Variants in ALMS1 observed in about 807,000 individuals in gnomAD.
ALMS1 encodes the protein ALMS1 centrosome and basal body associated protein.
A neutral mutation model predicts 352.2 loss-of-function variants in ALMS1; 271 were observed. That is an observed-to-expected ratio of 0.77 (90% CI 0.70 to 0.85). ALMS1 has a LOEUF of 0.85. Ranked by LOEUF, ALMS1 falls within the 40% of genes least tolerant of loss-of-function variation. ALMS1 has a pLI of 0.00. For missense variants in ALMS1, 5,445 were observed against 4,870.7 expected, an observed-to-expected ratio of 1.12 and a Z score of -3.51; for synonymous variants, 1,865 against 1,761.2, an observed-to-expected ratio of 1.06 and a Z score of -1.48.
In ALMS1 at chr2:73,385,927, AGGAG is replaced by A. The variant is rs1558624562; in HGVS notation, c.61_64del (p.Glu21ArgfsTer19). ...CTGGAGGAGGAGGAGGAGGAGGAGG[AGGAG>A]GAGGAGGAGGAAGAGGAGGAGGCTG... On this transcript the variant is annotated frameshift_variant, in exon 1 of 23. Transcript: ENST00000613296. LOFTEE classifies it high-confidence loss of function. 2.9e-6 allele frequency: 3 copies of A among 1,023,860 alleles called. No homozygotes were observed. The highest frequency in any genetic ancestry group is 4.5e-6 in the Non-Finnish European group (3 of 673,502). 63.4% of individuals were successfully genotyped at this position (1,023,860 alleles called of 1,614,324 possible). A position where few individuals can be genotyped will look rare whatever the true frequency, so the allele number is the denominator to read the frequency against.
chr2:73,603,396 A>G (rs1675744038), intron 21 of ALMS1, 92 bp downstream of exon 21: 2 of 1,137,010 alleles, frequency 1.8e-6, no homozygotes, highest in African/African-American at 1.5e-5. Context: ...TAAATGTATT[A>G]TACTCAAGTT....
intron 1 of ALMS1, among the ~76,000 whole-genome samples, chr2:73,391,760 T>TA (rs1379751074): frequency 7.2e-5 from 11 of 152,254 alleles, no homozygotes; most frequent in Non-Finnish European, 1.3e-4. Context: ...GGCCAGTATT[T>TA]ATCAAACTTG....
chr2:73,504,463 C>T (rs1572979621), intron 10 of ALMS1, among the ~76,000 whole-genome samples: 1 of 152,254 alleles, frequency 6.6e-6, no homozygotes, highest in East Asian at 1.9e-4. Context: ...ATCTGTTTTT[C>T]TACTGTATAA....
In ALMS1 at chr2:73,451,503, C is replaced by A. The variant is rs199520788; in HGVS notation, c.4976C>A (p.Pro1659Gln). The A allele has an allele frequency of 1.5e-5, 25 of 1,613,762 alleles. No homozygotes were observed. In the East Asian group the frequency reaches 4.2e-4, roughly 27 times the overall value. ...GPADQKTETL[P>Q]VHSTSYSNRG... is the part of the protein sequence containing the mutation. ...GCTGACCAGAAGACTGAGACATTAC[C>A]AGTACATTCTACTAGCTACTCAAAT... is the stretch of plus-strand genomic sequence containing the variant. Residue 1659 changes from proline (P) to glutamine (Q), a missense_variant, in exon 8 of 23, where the codon CCA becomes CAA. Physicochemically the swap from Pro to Gln is moderately conservative, Grantham distance 76. Transcript: ENST00000613296.
chr2:73,425,620 AAG>A (rs1671363829), intron 5 of ALMS1, among the ~76,000 whole-genome samples: 1 of 152,170 alleles, frequency 6.6e-6, no homozygotes, highest in Admixed American at 6.5e-5. Context: ...CCTTCTAAGA[AAG>A]AGAGTACAGT....
In ALMS1 at chr2:73,534,828, G is replaced by A. The variant is rs757139660; in HGVS notation, c.9786G>A (p.Gln3262=). Residue 3262 remains glutamine, a synonymous_variant, in exon 12 of 23, where the codon CAG becomes CAA. Coordinates refer to ENST00000613296, the MANE Select transcript of ALMS1 (RefSeq NM_001378454.1). Reference sequence around the variant, plus strand: ...TTCTGATTTTTACCTCCTTAGGCCAGCCTTTATTATTGCCATATAAGCCTT... The same window carrying A: ...TTCTGATTTTTACCTCCTTAGGCCAACCTTTATTATTGCCATATAAGCCTT... ...QVTFSRGTDG[Q]PLLLPYKPSG... The A allele has an allele frequency of 3.7e-6, 6 of 1,613,370 alleles. No homozygotes were observed. The highest frequency in any genetic ancestry group is 2.2e-5 in the East Asian group (1 of 44,810).
chr2:73,601,620 C>G (rs1675691178), intron 19 of ALMS1, among the ~76,000 whole-genome samples, 184 bp downstream of exon 19: 1 of 152,212 alleles, frequency 6.6e-6, no homozygotes, highest in Non-Finnish European at 1.5e-5. Context: ...CAAAGGCTGC[C>G]TTACTCCTAA....
Position 73,388,513 on chromosome 2 carries a change from T to C in ALMS1, c.324+2321T>C, listed in dbSNP as rs561804350. Among the ~76,000 whole-genome samples, 4 of 152,328 alleles carry C rather than the reference T, an allele frequency of 2.6e-5. No homozygotes were observed. In the East Asian group the frequency reaches 7.7e-4, roughly 29 times the overall value. On this transcript the variant is annotated intron_variant, in intron 1 of 22. Coordinates refer to ENST00000613296, the MANE Select transcript of ALMS1 (RefSeq NM_001378454.1). ...TGGGTACTTATTGTACCCATTTATC[T>C]TTATGCCTCTGTGTACCCATTGTAC...
rs1671071173 is a variant in ALMS1, at chr2:73,411,308, G to A, written c.450+2561G>A. 2.6e-5 allele frequency among the ~76,000 whole-genome samples: 4 copies of A among 152,010 alleles called. No homozygotes were observed. In the South Asian group the frequency reaches 8.3e-4, roughly 32 times the overall value. On this transcript the variant is annotated intron_variant, in intron 2 of 22. Coordinates refer to ENST00000613296, the MANE Select transcript of ALMS1 (RefSeq NM_001378454.1). ...GCTTCCAGAAGGTAGAAGTAGCAAG[G>A]AAGGACCCTCCCCTAGGGGCTTCAG...
chr2:73,438,137 A>T (rs574186786), intron 7 of ALMS1, among the ~76,000 whole-genome samples: 12 of 152,272 alleles, frequency 7.9e-5, no homozygotes, highest in Middle Eastern at 3.4e-3. Context: ...GCCAATCCAG[A>T]TCTATCAGGC....
At chr2:73,520,914 A>G (rs1383251136) in intron 11 of ALMS1, among the ~76,000 whole-genome samples, 1 of 152,216 alleles carries the variant, frequency 6.6e-6, no homozygotes, top group Non-Finnish European at 1.5e-5. Context: ...TGGAGACTTT[A>G]CTAATTTTTA....
At chr2:73,491,799 A>G (rs1207385157) in intron 10 of ALMS1, among the ~76,000 whole-genome samples, 2 of 152,222 alleles carry the variant, frequency 1.3e-5, no homozygotes, top group East Asian at 3.8e-4. Context: ...GAATTTATTT[A>G]CTGTGTTGGA....
intron 10 of ALMS1, among the ~76,000 whole-genome samples, chr2:73,500,326 C>CTG (rs1673194391): frequency 6.6e-6 from 1 of 152,140 alleles, no homozygotes; most frequent in Admixed American, 6.5e-5. Context: ...CATCTGTTGT[C>CTG]TGTGTGTGTG....
chr2:73,468,383 T>C (rs1558658145), intron 9 of ALMS1, among the ~76,000 whole-genome samples: 1 of 152,004 alleles, frequency 6.6e-6, no homozygotes, highest in Non-Finnish European at 1.5e-5. Flanking sequence ...TTTATCATGG[T>C]AAAATACACA....
intron 16 of ALMS1, among the ~76,000 whole-genome samples, chr2:73,594,632 G>A (rs900443438): frequency 6.6e-6 from 1 of 152,204 alleles, no homozygotes; most frequent in Admixed American, 6.5e-5. Flanking sequence ...GGGGCAGCCA[G>A]TTCCATTTGC....
chr2:73,388,546 T>C (rs983329064), intron 1 of ALMS1, among the ~76,000 whole-genome samples: 3 of 152,194 alleles, frequency 2.0e-5, no homozygotes, highest in Non-Finnish European at 2.9e-5. Context: ...TACCCACTTG[T>C]CTTACCAGTG....
intron 1 of ALMS1, among the ~76,000 whole-genome samples, chr2:73,405,830 TTTG>T (rs1670961696): frequency 1.3e-5 from 2 of 152,288 alleles, no homozygotes; most frequent in Non-Finnish European, 2.9e-5. Context: ...TTTTTAAGAG[TTTG>T]TTGTTTAATT....
chr2:73,420,428 G>A (rs1275379464), intron 3 of ALMS1, among the ~76,000 whole-genome samples: 11 of 152,104 alleles, frequency 7.2e-5, no homozygotes. Context: ...AACAACAGTA[G>A]TATGTATGAC....
intron 9 of ALMS1, among the ~76,000 whole-genome samples, chr2:73,473,739 AC>A (rs1220555865): frequency 2.0e-5 from 3 of 152,168 alleles, no homozygotes; most frequent in Non-Finnish European, 4.4e-5. Flanking sequence ...AAGTACAGTA[AC>A]AAAAATTCTT....
Sources: gnomAD v4.1 joint callset for allele counts (sites outside exome capture counted in the v4.1 genomes callset) on GRCh38, gnomAD v4.1.1 for gene constraint, MANE v1.5 for transcripts, NCBI Gene and HGNC (gene_info 2026-07-23, HGNC 2026-07-21) for gene names.